Variants in PLEKHA5 observed in about 807,000 individuals in gnomAD.
PLEKHA5 encodes the protein pleckstrin homology domain containing A5, also known as pleckstrin homology domain-containing family A member 5.
PLEKHA5 carries 55 observed loss-of-function variants against 181.9 expected under a neutral mutation model. That is an observed-to-expected ratio of 0.30 (90% CI 0.24 to 0.38). The LOEUF (loss-of-function observed/expected upper bound fraction) is 0.38. Among genes scored for constraint, PLEKHA5 ranks in the 10% least tolerant of loss-of-function variants. The probability of loss-of-function intolerance (pLI) is 1.00; values close to 1 mark genes in which losing one functional copy is unlikely to be tolerated. For synonymous variants in PLEKHA5, 535 were observed against 529.4 expected, an observed-to-expected ratio of 1.01 and a Z score of -0.15; for missense variants, 1,432 against 1,549.5, an observed-to-expected ratio of 0.92 and a Z score of 1.27.
At chr12:19,267,454 G>A (rs2070859426) in intron 8 of PLEKHA5, among the ~76,000 whole-genome samples, 1 of 151,642 alleles carries the variant, frequency 6.6e-6, no homozygotes, top group African/African-American at 2.4e-5. Flanking sequence ...GAGGTCAGGA[G>A]TTTGAGACCA....
intron 3 of PLEKHA5, among the ~76,000 whole-genome samples, chr12:19,224,851 T>C (rs1452011918): frequency 6.6e-6 from 1 of 152,114 alleles, no homozygotes; most frequent in Non-Finnish European, 1.5e-5. Flanking sequence ...AAAATTAGTG[T>C]TTTAGCCAGG....
intron 3 of PLEKHA5, among the ~76,000 whole-genome samples, chr12:19,138,686 C>T (rs963252932): frequency 1.3e-5 from 2 of 151,834 alleles, no homozygotes; most frequent in Non-Finnish European, 2.9e-5. Context: ...TTGAGCTAGG[C>T]CTGAGGGTAT....
chr12:19,189,246 A>G (rs1449955138), intron 3 of PLEKHA5, among the ~76,000 whole-genome samples: 1 of 152,190 alleles, frequency 6.6e-6, no homozygotes, highest in Non-Finnish European at 1.5e-5. Context: ...AAGTCTTGGC[A>G]GTTTTTGGAG....
At chr12:19,272,284 T>C (rs930358435) in intron 10 of PLEKHA5, among the ~76,000 whole-genome samples, 27 of 152,188 alleles carry the variant, frequency 1.8e-4, no homozygotes, top group African/African-American at 5.3e-4. Context: ...CTTTTTAAAA[T>C]TAGATCACAA....
chr12:19,344,199 T>C (rs934932453), intron 22 of PLEKHA5, among the ~76,000 whole-genome samples: 6 of 152,192 alleles, frequency 3.9e-5, no homozygotes, highest in Non-Finnish European at 8.8e-5. Context: ...TCTTTTGTTA[T>C]TTTAATGCAT....
intron 11 of PLEKHA5, 32 bp downstream of exon 11, chr12:19,275,015 G>T: frequency 6.9e-7 from 1 of 1,453,066 alleles, no homozygotes; most frequent in Non-Finnish European, 9.5e-7. Context: ...ATGAACCCAG[G>T]TTTCTTTGAT....
At chr12:19,362,360 C>G (rs1175568765) in intron 29 of PLEKHA5, among the ~76,000 whole-genome samples, 1 of 151,656 alleles carries the variant, frequency 6.6e-6, no homozygotes, top group East Asian at 1.9e-4. Flanking sequence ...ATGGTAAAAC[C>G]CTGTCTCTAC....
chr12:19,186,669 T>C (rs1246961767), intron 3 of PLEKHA5, among the ~76,000 whole-genome samples: 1 of 152,132 alleles, frequency 6.6e-6, no homozygotes, highest in African/African-American at 2.4e-5. Context: ...GACCCAAAGC[T>C]CTCAACCTCT....
intron 3 of PLEKHA5, among the ~76,000 whole-genome samples, chr12:19,173,453 G>T (rs1267272482): frequency 3.5e-5 from 2 of 57,118 alleles, no homozygotes; most frequent in East Asian, 7.2e-4. Flanking sequence ...GTAAAGAAAG[G>T]ATTCTCCAAA....
At chr12:19,145,583 G>A (rs1212211305) in intron 3 of PLEKHA5, among the ~76,000 whole-genome samples, 1 of 151,962 alleles carries the variant, frequency 6.6e-6, no homozygotes, top group Non-Finnish European at 1.5e-5. Context: ...TCATAGTACT[G>A]GTTAAAGGTC....
intron 4 of PLEKHA5, among the ~76,000 whole-genome samples, chr12:19,254,532 C>T (rs1360798010): frequency 6.6e-6 from 1 of 152,028 alleles, no homozygotes; most frequent in Non-Finnish European, 1.5e-5. Context: ...TATAAATAAA[C>T]ATGATAGGCC....
chr12:19,273,883 A>G (rs1178101917), intron 10 of PLEKHA5, among the ~76,000 whole-genome samples: 1 of 152,176 alleles, frequency 6.6e-6, no homozygotes, highest in Non-Finnish European at 1.5e-5. Context: ...AATCATACCC[A>G]TTTACCAAAG....
chr12:19,304,932 T>C (rs2082746166), intron 15 of PLEKHA5, among the ~76,000 whole-genome samples: 1 of 152,118 alleles, frequency 6.6e-6, no homozygotes, highest in African/African-American at 2.4e-5. Context: ...CCTTCTCTCT[T>C]TCTTTTTTTA....
chr12:19,282,221 A>G (rs889507558), intron 11 of PLEKHA5, among the ~76,000 whole-genome samples: 4 of 152,230 alleles, frequency 2.6e-5, no homozygotes, highest in Non-Finnish European at 2.9e-5. Context: ...CTTTGCATGC[A>G]TAATGTACAT....
rs889080311 is a variant in PLEKHA5 at position 19,156,229 on chromosome 12, C to G, written c.227+23779C>G. Among the ~76,000 whole-genome samples, 23 of 148,572 alleles carry G rather than the reference C, an allele frequency of 1.5e-4. No individual in the cohort carries two copies. In the Middle Eastern group the frequency reaches 0.014, roughly 90 times the overall value. ...TCCTTTTTTTGTTTTTTTTTTTCTC[C>G]TCAGGGAGTGAGCAAGCCAGTCATT... On this transcript the variant is annotated intron_variant, in intron 3 of 31. Transcript: ENST00000429027.
At chr12:19,192,157 GA>G (rs1173755641) in intron 3 of PLEKHA5, among the ~76,000 whole-genome samples, 1 of 151,886 alleles carries the variant, frequency 6.6e-6, no homozygotes, top group Non-Finnish European at 1.5e-5. Flanking sequence ...TTTAATGAAG[GA>G]AAAAGTAAAC....
chr12:19,212,668 C>A (rs1456966651), intron 3 of PLEKHA5, among the ~76,000 whole-genome samples: 1 of 152,084 alleles, frequency 6.6e-6, no homozygotes, highest in South Asian at 2.1e-4. Flanking sequence ...AAAAATTAAT[C>A]CATGCTCATT....
intron 3 of PLEKHA5, among the ~76,000 whole-genome samples, chr12:19,250,329 AATCCCGGCACTTTGGGAGGCCAAGGCGGG>A (rs2064937434): frequency 6.6e-6 from 1 of 152,204 alleles, no homozygotes; most frequent in African/African-American, 2.4e-5. Flanking sequence ...TCATACCTGT[AATCCCGGCACTTTGGGAGGCCAAGGCGGG>A]TGGATCGCGT....
chr12:19,238,524 A>T (rs547783801), intron 3 of PLEKHA5, among the ~76,000 whole-genome samples: 33 of 152,260 alleles, frequency 2.2e-4, no homozygotes, highest in African/African-American at 7.2e-4. Context: ...TCCAACTAAG[A>T]TTCTACCCAA....
Sources: allele counts gnomAD v4.1 joint callset (sites outside exome capture counted in the v4.1 genomes callset), GRCh38; gene constraint gnomAD v4.1.1; transcripts MANE v1.5; gene names NCBI Gene and HGNC (gene_info 2026-07-23, HGNC 2026-07-21).